The following MMP16 variants were observed in gnomAD, a reference collection of about 807,000 sequenced individuals.
MMP16 encodes matrix metalloproteinase-16.
Under a neutral mutation model 67.8 loss-of-function variants are expected in MMP16, and 12 were observed. That is an observed-to-expected ratio of 0.18 (90% CI 0.11 to 0.29). The LOEUF (loss-of-function observed/expected upper bound fraction) is 0.29. Among genes scored for constraint, MMP16 ranks in the 10% least tolerant of loss-of-function variants. MMP16 has a pLI of 1.00. For synonymous variants in MMP16, 249 were observed against 255.9 expected (o/e 0.97, Z 0.26); for missense variants, 475 against 765.7 (o/e 0.62, Z 4.48).
At chr8:88,128,592 C>G (rs1433000137) in intron 4 of MMP16, among the ~76,000 whole-genome samples, 10 of 151,716 alleles carry the variant, frequency 6.6e-5, no homozygotes, top group Non-Finnish European at 1.2e-4. Flanking sequence ...GAATGTCTTT[C>G]TCTGGGATTT....
intron 1 of MMP16, among the ~76,000 whole-genome samples, chr8:88,290,484 C>T (rs1205257286): frequency 6.6e-6 from 1 of 151,662 alleles, no homozygotes; most frequent in Non-Finnish European, 1.5e-5. Flanking sequence ...ACCTGGGAGG[C>T]AGAGCTTGCA....
At chr8:88,217,895 G>GTGTGAACTTGTTT (rs1212895244) in intron 1 of MMP16, among the ~76,000 whole-genome samples, 1 of 152,026 alleles carries the variant, frequency 6.6e-6, no homozygotes, top group East Asian at 1.9e-4. Context: ...CACAAGTAAT[G>GTGTGAACTTGTTT]CATATGTCTG....
intron 4 of MMP16, among the ~76,000 whole-genome samples, chr8:88,119,932 T>C (rs1412038869): frequency 6.6e-6 from 1 of 152,024 alleles, no homozygotes; most frequent in Non-Finnish European, 1.5e-5. Context: ...ACTTTTATAA[T>C]GTACTATAAG....
At chr8:88,224,091 T>A (rs149102444) in intron 1 of MMP16, among the ~76,000 whole-genome samples, 1 of 152,100 alleles carries the variant, frequency 6.6e-6, no homozygotes, top group Non-Finnish European at 1.5e-5. Context: ...TCTGGCGGAC[T>A]GTGAGGAAGG....
intron 7 of MMP16, among the ~76,000 whole-genome samples, chr8:88,065,112 G>A (rs1808448780): frequency 6.6e-6 from 1 of 151,926 alleles, no homozygotes; most frequent in African/African-American, 2.4e-5. Context: ...CTTGGCATCG[G>A]GTTCACCAAG....
Position 88,095,292 on chromosome 8 carries a change from A to G in MMP16, c.1084-20549T>C, listed in dbSNP as rs559248419. Among the ~76,000 whole-genome samples, 117 of 149,842 alleles carry G rather than the reference A, an allele frequency of 7.8e-4. 1 individual carries two copies. In the South Asian group the frequency reaches 0.017, roughly 21 times the overall value. On this transcript the variant is annotated intron_variant, in intron 6 of 9. Transcript: ENST00000286614. ...TGTGTGTTTTTGTTGTTGTTCTTTAATTTTTTTTTTCCACCAGCAACCTAA... is the reference window on the plus strand; with the variant it reads ...TGTGTGTTTTTGTTGTTGTTCTTTAGTTTTTTTTTTCCACCAGCAACCTAA...
At chr8:88,131,059 C>A (rs539673749) in intron 4 of MMP16, among the ~76,000 whole-genome samples, 2 of 151,736 alleles carry the variant, frequency 1.3e-5, no homozygotes, top group African/African-American at 4.8e-5. Flanking sequence ...AGGATAATAG[C>A]AACATTCATG....
intron 1 of MMP16, among the ~76,000 whole-genome samples, chr8:88,237,505 G>A (rs968317953): frequency 1.2e-4 from 18 of 152,072 alleles, no homozygotes; most frequent in African/African-American, 3.6e-4. Context: ...AAAATTAGCC[G>A]GGCGTAGTGG....
chr8:88,043,674 T>C (rs1808162706), intron 9 of MMP16, among the ~76,000 whole-genome samples: 1 of 152,210 alleles, frequency 6.6e-6, no homozygotes, highest in African/African-American at 2.4e-5. Flanking sequence ...ATCGTTCTGT[T>C]CAATGCCATG....
intron 4 of MMP16, among the ~76,000 whole-genome samples, chr8:88,149,635 C>T (rs912365548): frequency 2.6e-5 from 4 of 151,516 alleles, no homozygotes; most frequent in East Asian, 2.0e-4. Flanking sequence ...TTCCAACAGA[C>T]CTGCAGCTGA....
chr8:88,078,664 G>A (rs902568636), intron 6 of MMP16, among the ~76,000 whole-genome samples: 2 of 152,092 alleles, frequency 1.3e-5, no homozygotes, highest in African/African-American at 4.8e-5. Flanking sequence ...CTGGGTGATA[G>A]AGAGAGACTC....
At chr8:88,245,855 T>G (rs1478378440) in intron 1 of MMP16, among the ~76,000 whole-genome samples, 1 of 152,204 alleles carries the variant, frequency 6.6e-6, no homozygotes, top group African/African-American at 2.4e-5. Context: ...AGCACCCTTT[T>G]TCAAATAATC....
chr8:88,279,531 C>T (rs866882700), intron 1 of MMP16, among the ~76,000 whole-genome samples: 7 of 152,064 alleles, frequency 4.6e-5, no homozygotes, highest in Admixed American at 1.3e-4. Flanking sequence ...TTTTGAGGGG[C>T]TAAATTGTCA....
intron 1 of MMP16, among the ~76,000 whole-genome samples, chr8:88,274,439 A>T (rs1346267267): frequency 1.3e-5 from 2 of 152,058 alleles, no homozygotes; most frequent in Non-Finnish European, 2.9e-5. Context: ...TTAATACGTA[A>T]GTCCACAGAC....
chr8:88,264,772 A>G (rs10094746), intron 1 of MMP16, among the ~76,000 whole-genome samples: 33,001 of 152,178 alleles, frequency 0.22, 4,157 homozygotes, highest in African/African-American at 0.34. Flanking sequence ...CACAGTGGCA[A>G]TGTGCTGTCC....
In MMP16 at chr8:88,327,082, T is replaced by C. The variant is rs771138953; in HGVS notation, c.125A>G (p.Asn42Ser). 2 of 1,613,846 alleles carry C rather than the reference T, an allele frequency of 1.2e-6. No individual in the cohort carries two copies. Among genetic ancestry groups the C allele is most frequent in the Non-Finnish European group, 1.7e-6 (2 of 1,179,858 alleles). Residue 42 changes from asparagine to serine, a missense_variant, in exon 1 of 10, where the codon AAT (asparagine) becomes AGT (serine). Asn to Ser is a conservative substitution (Grantham distance 46). This residue lies in a region of MMP16 where 170 missense variants were observed against 239.6 expected (regional missense o/e 0.71). Transcript: ENST00000286614. Reference protein sequence around the residue: ...ATVCGTEQYFNVEVWLQKYGY... With the variant: ...ATVCGTEQYFSVEVWLQKYGY... ...AAGCCCTCGCACTCTTACCTCCACA[T>C]TGAAATACTGCTCCGTTCCGCAGAC...
rs1271222004 is a variant in MMP16, at chr8:88,041,484, G to A, written c.1801C>T (p.Arg601Cys). ...CATCACACCCACTCTTGCATAGAGC[G>A]TTTACAGTACAGTATGTGGCGGGGT... Reference protein sequence around the residue: ...GTPRHILYCKRSMQEWV With the variant: ...GTPRHILYCKCSMQEWV Residue 601 changes from arginine (R) to cysteine (C), a missense_variant, in exon 10 of 10, where the codon CGC becomes TGC. Around this residue, in one of 5 missense-constraint regions of MMP16, gnomAD observed 80 missense variants for 93.4 expected, o/e 0.86. Coordinates refer to ENST00000286614, the MANE Select transcript of MMP16 (RefSeq NM_005941.5). This position sits in a 1 kb window ranked among gnomAD's most constrained non-coding sequence, Gnocchi z 6.0. 5 of 1,613,880 alleles carry A rather than the reference G, an allele frequency of 3.1e-6. No individual in the cohort carries two copies. The highest frequency in any genetic ancestry group is 4.2e-6 in the Non-Finnish European group (5 of 1,179,888).
At chr8:88,170,094 T>C (rs1476888199) in intron 3 of MMP16, among the ~76,000 whole-genome samples, 2 of 152,112 alleles carry the variant, frequency 1.3e-5, no homozygotes, top group Non-Finnish European at 2.9e-5. Flanking sequence ...TTGGATATAT[T>C]TTGAGAATAT....
intron 9 of MMP16, among the ~76,000 whole-genome samples, chr8:88,042,409 A>T (rs1808145492): frequency 6.6e-6 from 1 of 152,196 alleles, no homozygotes; most frequent in Non-Finnish European, 1.5e-5. Flanking sequence ...TTTGCCTGCA[A>T]GGAATCTTAA....
Sources: allele counts gnomAD v4.1 joint callset (sites outside exome capture counted in the v4.1 genomes callset), GRCh38; gene constraint gnomAD v4.1.1; regional missense constraint gnomAD v4.1.1; non-coding constraint Gnocchi (gnomAD v3.1); transcripts MANE v1.5; gene names NCBI Gene and HGNC (gene_info 2026-07-23, HGNC 2026-07-21).